Variants in MGAT5B observed in about 807,000 individuals in gnomAD.
MGAT5B encodes N-acetylglucosaminyl-transferase Vb.
Under a neutral mutation model 95.1 loss-of-function variants are expected in MGAT5B, and 54 were observed. The observed-to-expected ratio is 0.57, with a 90% confidence interval of 0.46 to 0.71. The LOEUF is 0.71. MGAT5B is among the 30% of genes least tolerant of loss of function. MGAT5B has a pLI of 0.00. For synonymous variants in MGAT5B, 464 were observed against 451.0 expected (o/e 1.03, Z -0.36); for missense variants, 935 against 1,088.6 (o/e 0.86, Z 1.99).
In MGAT5B at chr17:76,868,954, C is replaced by G; in HGVS notation, c.-76C>G. On this transcript the variant is annotated 5_prime_UTR_variant, in exon 1 of 18. Transcript: ENST00000569840. The surrounding 1 kb of genome is among the most constrained non-coding windows in gnomAD (Gnocchi z 6.3). ...TTCGGCCCGCAGAGGGTTCGTGGCC[C>G]GGACGCGGCGAGAGCTGGGCCCAGG... 6.8e-7 allele frequency: 1 copy of G among 1,463,966 alleles called. No individual in the cohort carries two copies. The highest frequency in any genetic ancestry group is 9.5e-7 in the Non-Finnish European group (1 of 1,050,144). 90.7% of individuals were successfully genotyped at this position (1,463,966 alleles called of 1,614,324 possible).
intron 8 of MGAT5B, among the ~76,000 whole-genome samples, chr17:76,919,335 G>C (rs1316655559): frequency 1.3e-5 from 2 of 152,210 alleles, no homozygotes; most frequent in African/African-American, 4.8e-5. Flanking sequence ...TGGGGAACGT[G>C]ACAGCTGGAG....
intron 2 of MGAT5B, among the ~76,000 whole-genome samples, chr17:76,878,033 T>G (rs1276708599): frequency 1.3e-5 from 2 of 152,042 alleles, no homozygotes; most frequent in African/African-American, 2.4e-5. Context: ...GGGCCTCACA[T>G]TAGATATATT....
intron 8 of MGAT5B, chr17:76,913,745 G>A (rs1390234361): frequency 2.0e-6 from 1 of 497,448 alleles, no homozygotes. Context: ...GCTTCTAGAA[G>A]GAGATGTGGC....
At chr17:76,946,321 G>A in intron 15 of MGAT5B, 55 bp from the exon 16 acceptor site, 3 of 1,477,288 alleles carry the variant, frequency 2.0e-6, no homozygotes, top group Non-Finnish European at 2.8e-6. Flanking sequence ...GCATGGCAGG[G>A]CCCCCGACGG....
intron 15 of MGAT5B, among the ~76,000 whole-genome samples, chr17:76,946,088 T>C (rs1970019300): frequency 1.4e-5 from 2 of 141,622 alleles, no homozygotes; most frequent in African/African-American, 5.5e-5. Context: ...GACACAGCGC[T>C]GAGCTTTATC....
Position 76,903,380 on chromosome 17 carries a change from A to G in MGAT5B, c.519+4A>G. ...TGACTGCTCAGGGAAGGTGGAGGTG[A>G]GGCCTGGGGCTGAGGGGTGGGGATG... On this transcript the variant is annotated splice_donor_region_variant and intron_variant, in intron 5 of 17. Transcript: ENST00000569840. 1 of 1,608,936 alleles carries G rather than the reference A, an allele frequency of 6.2e-7. No homozygotes were observed. The highest frequency in any genetic ancestry group is 8.5e-7 in the Non-Finnish European group (1 of 1,177,482).
At position 76,914,611 on chromosome 17, in the gene MGAT5B, A is replaced by G. The variant is rs1322014442; in HGVS notation, c.1025+8424A>G. 6.7e-6 allele frequency among the ~76,000 whole-genome samples: 1 copy of G among 149,960 alleles called. No individual in the cohort carries two copies. Among genetic ancestry groups the G allele is most frequent in the Non-Finnish European group, 1.5e-5 (1 of 67,750 alleles). On this transcript the variant is annotated intron_variant, in intron 8 of 17. Coordinates refer to ENST00000569840, the MANE Select transcript of MGAT5B (RefSeq NM_001199172.2). The surrounding 1 kb of genome is among the most constrained non-coding windows in gnomAD (Gnocchi z 5.1). ...TACGTCCACATCTCTTCCTCCCTCC[A>G]TGCATGACTCTGTGTCCACATTTCT...
rs142896562 is a variant in MGAT5B, at chr17:76,878,152, G to C, written c.182-3999G>C. Among the ~76,000 whole-genome samples the C allele has an allele frequency of 1.8e-4, 27 of 152,268 alleles. No individual in the cohort carries two copies. The East Asian group carries it at 5.2e-3, about 29-fold the overall frequency. The stretch of plus-strand genomic sequence containing the variant: ...GTGGCTTTTAGGGGAGTGGGTCACT[G>C]GGGGAGAGTCGGCCTGACCTGCTTC... On this transcript the variant is annotated intron_variant, in intron 2 of 17. Coordinates refer to ENST00000569840, the MANE Select transcript of MGAT5B (RefSeq NM_001199172.2).
At position 76,869,402 on chromosome 17, in the gene MGAT5B, C is replaced by G. The variant is rs893434109; in HGVS notation, c.68+305C>G. Among the ~76,000 whole-genome samples the G allele has an allele frequency of 5.9e-5, 9 of 152,060 alleles. No individual in the cohort carries two copies. Among genetic ancestry groups the G allele is most frequent in the Admixed American group, 1.3e-4 (2 of 15,272 alleles). On this transcript the variant is annotated intron_variant, in intron 1 of 17. Coordinates refer to ENST00000569840, the MANE Select transcript of MGAT5B (RefSeq NM_001199172.2). The surrounding 1 kb of genome is among the most constrained non-coding windows in gnomAD (Gnocchi z 7.0). ...GTGGTCCTGGGCCCAGAAAGTTGCC[C>G]CAGCCTGCGCGCCCCTTCCCAGCCC...
chr17:76,894,387 T>C lies in MGAT5B; in HGVS notation c.330-8168T>C, dbSNP rs113991383. On this transcript the variant is annotated intron_variant, in intron 3 of 17. Transcript: ENST00000569840. Reference sequence around the variant, plus strand: ...ATTAAGAGGGACCAGGATGTTGCCATGGACATTAAATGAGATCAGAGTATA... The same window carrying C: ...ATTAAGAGGGACCAGGATGTTGCCACGGACATTAAATGAGATCAGAGTATA... Among the ~76,000 whole-genome samples, 1,003 of 152,310 alleles carry C rather than the reference T, an allele frequency of 6.6e-3. 18 individuals carry two copies. The highest frequency in any genetic ancestry group is 0.023 in the African/African-American group (950 of 41,562).
rs1310770099 is a variant in MGAT5B at position 76,948,669 on chromosome 17, C to T, written c.2210C>T (p.Ser737Leu). 9.9e-6 allele frequency: 16 copies of T among 1,612,988 alleles called. No homozygotes were observed. The highest frequency in any genetic ancestry group is 1.3e-5 in the Non-Finnish European group (15 of 1,179,792). The change falls in exon 18 of 18, where the codon TCG (serine) becomes TTG (leucine). Residue 737 changes from serine to leucine, a missense_variant. By Grantham distance (145) the Ser-to-Leu change is moderately radical. Transcript: ENST00000569840. ...CAGGTGCCCTGTGACAGCACCGAGT[C>T]GGAGATGAACCACCTGTACCCGGCG... The part of the protein sequence containing the change: ...KLQVPCDSTE[S>L]EMNHLYPAFA...
rs530640757 is a variant in MGAT5B, at chr17:76,868,539, C to T, written c.-491C>T. 311 of 148,740 alleles carry T rather than the reference C, an allele frequency of 2.1e-3. 3 individuals are homozygous for T. In the East Asian group the frequency reaches 0.039, roughly 19 times the overall value. The allele number at this position is 148,740 out of a possible 1,614,324, so 9.2% of individuals were successfully genotyped here. On this transcript the variant is annotated 5_prime_UTR_variant, in exon 1 of 18. Transcript: ENST00000569840. This position sits in a 1 kb window ranked among gnomAD's most constrained non-coding sequence, Gnocchi z 6.3. ...CGCGGCGGGCGCGGGTTGCCCTCGT[C>T]GAGAGCCATGGGCGCGGCGCGGCGC...
chr17:76,934,503 G>A (rs1455964115), intron 12 of MGAT5B, among the ~76,000 whole-genome samples: 1 of 152,226 alleles, frequency 6.6e-6, no homozygotes, highest in Non-Finnish European at 1.5e-5. Context: ...AGAGGTCACT[G>A]TGGGGTGTGG....
intron 6 of MGAT5B, 54 bp downstream of exon 6, chr17:76,904,476 T>A: frequency 6.6e-7 from 1 of 1,514,876 alleles, no homozygotes; most frequent in Non-Finnish European, 8.9e-7. Context: ...TGGACATTCT[T>A]AAGGACAGTG....
At chr17:76,910,843 G>C (rs569753937) in intron 8 of MGAT5B, among the ~76,000 whole-genome samples, 20 of 152,344 alleles carry the variant, frequency 1.3e-4, no homozygotes, top group Middle Eastern at 3.4e-3. Flanking sequence ...GTGAATGAAC[G>C]ATCTGGCTCA....
At chr17:76,884,580 T>C (rs1363417343) in intron 3 of MGAT5B, among the ~76,000 whole-genome samples, 1 of 150,566 alleles carries the variant, frequency 6.6e-6, no homozygotes, top group Non-Finnish European at 1.5e-5. Flanking sequence ...ATTACAGGTG[T>C]GTGTGCCACC....
At position 76,949,592 on chromosome 17, in the gene MGAT5B, C is replaced by T. The variant is rs1970144855; in HGVS notation, c.*754C>T. The T allele has an allele frequency of 6.6e-6, 1 of 152,138 alleles. No homozygotes were observed. The highest frequency in any genetic ancestry group is 6.5e-5 in the Admixed American group (1 of 15,272). 9.4% of individuals were successfully genotyped at this position (152,138 alleles called of 1,614,324 possible). A position where few individuals can be genotyped will look rare whatever the true frequency, so the allele number is the denominator to read the frequency against. On this transcript the variant is annotated 3_prime_UTR_variant, in exon 18 of 18. Transcript: ENST00000569840. The stretch of plus-strand genomic sequence containing the variant: ...TGTTTCTCTCTCCTGCTTGTTCCAA[C>T]CCTTTTCACTCTGGGCTTCTCCCAA...
chr17:76,944,841 TG>T (rs1310215134), intron 15 of MGAT5B, among the ~76,000 whole-genome samples: 1 of 152,196 alleles, frequency 6.6e-6, no homozygotes, highest in Admixed American at 6.5e-5. Context: ...TTGGCGCAGT[TG>T]GACTTTCTAG....
At chr17:76,937,204 A>G (rs1969705693) in intron 12 of MGAT5B, among the ~76,000 whole-genome samples, 1 of 152,202 alleles carries the variant, frequency 6.6e-6, no homozygotes, top group African/African-American at 2.4e-5. Context: ...GGACTGGTCT[A>G]GCTCTGTTTC....
Sources: gnomAD v4.1 joint callset for allele counts (sites outside exome capture counted in the v4.1 genomes callset) on GRCh38, gnomAD v4.1.1 for gene constraint, Gnocchi (gnomAD v3.1) non-coding constraint, MANE v1.5 for transcripts, NCBI Gene and HGNC (gene_info 2026-07-23, HGNC 2026-07-21) for gene names.